SOX5: variants seen among roughly 807,000 people sequenced by gnomAD.
SOX5 encodes SRY-box transcription factor 5.
SOX5 carries 9 observed loss-of-function variants against 92.0 expected under a neutral mutation model. The ratio of observed to expected loss-of-function variants is 0.10; its 90% CI spans 0.06 to 0.17. SOX5 has a LOEUF of 0.17. Ranked by LOEUF, SOX5 falls within the 10% of genes least tolerant of loss-of-function variation. SOX5 has a pLI of 1.00. For missense variants in SOX5, 642 were observed against 944.5 expected (o/e 0.68, Z 4.20); for synonymous variants, 344 against 336.3 (o/e 1.02, Z -0.25).
At chr12:23,711,141 A>G (rs754062174) in intron 6 of SOX5, among the ~76,000 whole-genome samples, 7 of 152,178 alleles carry the variant, frequency 4.6e-5, no homozygotes, top group Non-Finnish European at 8.8e-5. Flanking sequence ...AAAAGAGTCT[A>G]TTTCTATGTT....
chr12:24,145,850 G>A (rs1190978531), intron 4 of SOX5, among the ~76,000 whole-genome samples: 1 of 152,098 alleles, frequency 6.6e-6, no homozygotes, highest in Non-Finnish European at 1.5e-5. Flanking sequence ...ATTAATAGCA[G>A]GCAAAGTAAT....
intron 10 of SOX5, among the ~76,000 whole-genome samples, chr12:23,569,901 G>T (rs1947843655): frequency 6.6e-6 from 1 of 152,168 alleles, no homozygotes; most frequent in Admixed American, 6.5e-5. Context: ...GTGGTCTATG[G>T]ACTACTTAGC....
chr12:24,253,103 A>G (rs1289091394), intron 3 of SOX5, among the ~76,000 whole-genome samples: 1 of 151,492 alleles, frequency 6.6e-6, no homozygotes, highest in Non-Finnish European at 1.5e-5. Context: ...AAAGAAAGAC[A>G]AAAAAAGAAA....
intron 4 of SOX5, among the ~76,000 whole-genome samples, chr12:23,966,930 T>TC (rs1157560326): frequency 3.3e-5 from 5 of 152,174 alleles, no homozygotes; most frequent in African/African-American, 1.2e-4. Flanking sequence ...TCAATAAGAC[T>TC]ACTCTTCATA....
intron 2 of SOX5, among the ~76,000 whole-genome samples, chr12:24,351,041 G>C (rs554079423): frequency 1.4e-4 from 21 of 152,104 alleles, no homozygotes; most frequent in African/African-American, 5.1e-4. Context: ...CTGGGCAACA[G>C]AGCAAGAGCG....
At chr12:24,433,504 T>C (rs1938780640) in intron 1 of SOX5, among the ~76,000 whole-genome samples, 1 of 152,166 alleles carries the variant, frequency 6.6e-6, no homozygotes, top group South Asian at 2.1e-4. Flanking sequence ...AGACATTTGA[T>C]TAAAGGTAAT....
chr12:24,113,145 GAATT>G (rs1397259670), intron 4 of SOX5, among the ~76,000 whole-genome samples: 6 of 149,344 alleles, frequency 4.0e-5, no homozygotes, highest in African/African-American at 9.8e-5. Flanking sequence ...AAATTAAGAG[GAATT>G]AATATATAAT....
intron 1 of SOX5, among the ~76,000 whole-genome samples, chr12:24,561,460 T>C (rs1358659831): frequency 1.3e-5 from 2 of 152,204 alleles, no homozygotes; most frequent in Non-Finnish European, 2.9e-5. Context: ...CTCAACAAAC[T>C]GCTGCTCTCC....
chr12:24,212,157 C>T (rs1173552500), intron 4 of SOX5, among the ~76,000 whole-genome samples: 1 of 152,180 alleles, frequency 6.6e-6, no homozygotes, highest in Non-Finnish European at 1.5e-5. Context: ...TAAGCATATG[C>T]ATTGCATGAA....
intron 2 of SOX5, among the ~76,000 whole-genome samples, chr12:24,336,119 G>A (rs1951867658): frequency 6.6e-6 from 1 of 151,098 alleles, no homozygotes. Flanking sequence ...TTTTGAGACA[G>A]AGTCTCGCTC....
chr12:24,056,857 C>G (rs895041787), intron 4 of SOX5, among the ~76,000 whole-genome samples: 1 of 147,538 alleles, frequency 6.8e-6, no homozygotes, highest in Non-Finnish European at 1.5e-5. Flanking sequence ...CGCCTGTAGT[C>G]CCAGCTACTT....
intron 4 of SOX5, among the ~76,000 whole-genome samples, chr12:24,149,790 C>A (rs1446927437): frequency 6.6e-6 from 1 of 152,016 alleles, no homozygotes; most frequent in Non-Finnish European, 1.5e-5. Context: ...ATGAATAAAA[C>A]TGATGAACAA....
chr12:23,607,362 T>C (rs1030898895), intron 8 of SOX5, among the ~76,000 whole-genome samples: 6 of 152,212 alleles, frequency 3.9e-5, no homozygotes, highest in African/African-American at 1.4e-4. Context: ...ATTTTAATAC[T>C]CTTGCATTCT....
chr12:24,288,960 T>A (rs1165449122), intron 2 of SOX5, among the ~76,000 whole-genome samples: 1 of 152,208 alleles, frequency 6.6e-6, no homozygotes, highest in Non-Finnish European at 1.5e-5. Context: ...TCTTGCTTAG[T>A]CCTTAGATAC....
chr12:23,979,707 G>GTTGTTGTTTTTTTT (rs1949333613), intron 4 of SOX5, among the ~76,000 whole-genome samples: 2 of 77,500 alleles, frequency 2.6e-5, no homozygotes, highest in African/African-American at 1.1e-4. Flanking sequence ...TGTTTTTTTT[G>GTTGTTGTTTTTTTT]TTTTTTTTTT....
chr12:24,388,428 C>T (rs935140230), intron 1 of SOX5, among the ~76,000 whole-genome samples: 1 of 152,016 alleles, frequency 6.6e-6, no homozygotes, highest in East Asian at 1.9e-4. Context: ...ATTCCTGCAG[C>T]CCTGCCTTGA....
chr12:24,114,394 T>C (rs1458971645), intron 4 of SOX5, among the ~76,000 whole-genome samples: 1 of 151,398 alleles, frequency 6.6e-6, no homozygotes, highest in Non-Finnish European at 1.5e-5. Context: ...CTGGACAACA[T>C]GGTGAAACCC....
intron 2 of SOX5, among the ~76,000 whole-genome samples, chr12:24,333,482 G>A (rs1951556268): frequency 6.6e-6 from 1 of 151,938 alleles, no homozygotes; most frequent in African/African-American, 2.4e-5. Flanking sequence ...TAATCTTAAG[G>A]AGAGCTTATG....
intron 1 of SOX5, among the ~76,000 whole-genome samples, chr12:24,409,652 C>T (rs866509450): frequency 1.8e-4 from 28 of 152,230 alleles, no homozygotes; most frequent in Middle Eastern, 3.4e-3. Flanking sequence ...TACATCCCCA[C>T]CAACAATGTC....
Sources: gnomAD v4.1 joint callset for allele counts (sites outside exome capture counted in the v4.1 genomes callset) on GRCh38, gnomAD v4.1.1 for gene constraint, MANE v1.5 for transcripts, NCBI Gene and HGNC (gene_info 2026-07-23, HGNC 2026-07-21) for gene names.